Variants in LAMA2 observed in about 807,000 individuals in gnomAD.
LAMA2 encodes the protein laminin subunit alpha-2.
In LAMA2, 269 loss-of-function variants were observed where a neutral mutation model predicts 364.8. The ratio of observed to expected loss-of-function variants is 0.74; its 90% confidence interval spans 0.67 to 0.82. LAMA2 has a LOEUF of 0.82. Ranked by LOEUF, LAMA2 falls within the 40% of genes least tolerant of loss-of-function variation. LAMA2 has a pLI of 0.00. For synonymous variants in LAMA2, 1,379 were observed against 1,370.6 expected, an observed-to-expected ratio of 1.01 and a Z score of -0.14; for missense variants, 3,807 against 3,873.2, an observed-to-expected ratio of 0.98 and a Z score of 0.45.
At chr6:128,918,303 G>A (rs931513920) in intron 1 of LAMA2, among the ~76,000 whole-genome samples, 1 of 151,898 alleles carries the variant, frequency 6.6e-6, no homozygotes, top group Non-Finnish European at 1.5e-5. Context: ...GATATATTGG[G>A]GAAAAACAAT....
At chr6:128,886,522 T>G (rs1259185138) in intron 1 of LAMA2, among the ~76,000 whole-genome samples, 2 of 152,076 alleles carry the variant, frequency 1.3e-5, no homozygotes, top group Non-Finnish European at 2.9e-5. Context: ...CATTGACAAA[T>G]GGGTGTAGAT....
chr6:129,197,759 CAA>C (rs916325546), intron 12 of LAMA2, among the ~76,000 whole-genome samples: 1 of 151,502 alleles, frequency 6.6e-6, no homozygotes, highest in Non-Finnish European at 1.5e-5. Context: ...TATTAAAAAA[CAA>C]AAAAAATCAA....
intron 1 of LAMA2, among the ~76,000 whole-genome samples, chr6:128,911,942 TA>T (rs1777996248): frequency 6.6e-6 from 1 of 152,220 alleles, no homozygotes; most frequent in Admixed American, 6.5e-5. Context: ...CTACTGTCTG[TA>T]AAAATCATTC....
At chr6:129,152,795 A>G (rs1778886787) in intron 7 of LAMA2, among the ~76,000 whole-genome samples, 1 of 152,200 alleles carries the variant, frequency 6.6e-6, no homozygotes, top group Non-Finnish European at 1.5e-5. Context: ...ACTGTTCATT[A>G]ATAGGGACCT....
intron 1 of LAMA2, among the ~76,000 whole-genome samples, chr6:129,004,450 T>C (rs1229434331): frequency 6.7e-6 from 1 of 149,936 alleles, no homozygotes; most frequent in Admixed American, 6.6e-5. Flanking sequence ...TGACAAATGG[T>C]CATTTTCCTT....
At chr6:129,492,872 G>A (rs981529271) in intron 58 of LAMA2, among the ~76,000 whole-genome samples, 1 of 152,182 alleles carries the variant, frequency 6.6e-6, no homozygotes, top group African/African-American at 2.4e-5. Context: ...ACTGTTTCTA[G>A]GCCAGGCGCG....
chr6:129,192,315 T>C (rs1443885072), intron 11 of LAMA2, among the ~76,000 whole-genome samples: 2 of 152,242 alleles, frequency 1.3e-5, no homozygotes, highest in Non-Finnish European at 2.9e-5. Context: ...GAACTGAAAG[T>C]CCAACTGTTT....
intron 3 of LAMA2, among the ~76,000 whole-genome samples, chr6:129,072,264 A>G (rs1582989145): frequency 6.6e-6 from 1 of 152,282 alleles, no homozygotes; most frequent in Non-Finnish European, 1.5e-5. Flanking sequence ...GAGACATACA[A>G]ATTTAGGATT....
At chr6:129,503,041 T>C (rs1785773954) in intron 59 of LAMA2, 50 bp from the exon 60 acceptor site, 2 of 1,522,126 alleles carry the variant, frequency 1.3e-6, no homozygotes, top group East Asian at 4.5e-5. Flanking sequence ...TATTTTAGCA[T>C]GAGAATGCTG....
chr6:129,281,495 A>G (rs879540545), intron 18 of LAMA2, among the ~76,000 whole-genome samples: 8 of 152,288 alleles, frequency 5.3e-5, no homozygotes, highest in East Asian at 1.9e-4. Flanking sequence ...ACCATCTATA[A>G]TTTAAAACCC....
At chr6:129,424,540 G>A (rs1450143260) in intron 40 of LAMA2, among the ~76,000 whole-genome samples, 1 of 151,700 alleles carries the variant, frequency 6.6e-6, no homozygotes, top group Non-Finnish European at 1.5e-5. Flanking sequence ...AAAAATAAGA[G>A]CAAATAACCC....
rs776360049 is a variant in LAMA2, at chr6:129,349,205, G to T, written c.4437-93G>T. 6 of 939,616 alleles carry T rather than the reference G, an allele frequency of 6.4e-6. No homozygotes were observed. In the African/African-American group the frequency reaches 9.8e-5, roughly 15 times the overall value. The allele number at this position is 939,616 out of a possible 1,614,324, so 58.2% of individuals were successfully genotyped here. Reference sequence around the variant, plus strand: ...AGATGGCATTTATTACTACCTAAAAGTATGTCCCAATAACCTTGATCATGG... The same window carrying T: ...AGATGGCATTTATTACTACCTAAAATTATGTCCCAATAACCTTGATCATGG... On this transcript the variant is annotated intron_variant, in intron 30 of 64. Coordinates refer to ENST00000421865, the MANE Select transcript of LAMA2 (RefSeq NM_000426.4).
At chr6:128,932,286 T>A (rs1779531730) in intron 1 of LAMA2, among the ~76,000 whole-genome samples, 1 of 151,952 alleles carries the variant, frequency 6.6e-6, no homozygotes, top group Non-Finnish European at 1.5e-5. Context: ...TCAGTAGGAG[T>A]GACTGGGCCT....
At position 129,502,695 on chromosome 6, in the gene LAMA2, A is replaced by C. The variant is rs1163869891; in HGVS notation, c.8281A>C (p.Ile2761Leu). 6.2e-7 allele frequency: 1 copy of C among 1,614,012 alleles called. No individual in the cohort carries two copies. The highest frequency in any genetic ancestry group is 1.7e-5 in the Admixed American group (1 of 60,016). ...CAAESEPALLIGSKQFGLSRN... is the reference protein window; with the variant it reads ...CAAESEPALLLGSKQFGLSRN... ...TGCAGAATCAGAACCAGCTCTTTTG[A>C]TAGGGAGCAAGCAGTTCGGGCTTTC... is the stretch of plus-strand genomic sequence containing the variant. Residue 2761 changes from isoleucine to leucine, a missense_variant, in exon 59 of 65, where the codon ATA becomes CTA. Ile to Leu is a conservative substitution (Grantham distance 5). Transcript: ENST00000421865.
chr6:129,088,609 C>T (rs959036290), intron 3 of LAMA2, among the ~76,000 whole-genome samples: 3 of 151,316 alleles, frequency 2.0e-5, no homozygotes, highest in South Asian at 2.1e-4. Flanking sequence ...GGCTGCCGGG[C>T]GGAGACGCTC....
intron 1 of LAMA2, among the ~76,000 whole-genome samples, chr6:128,991,010 A>C (rs768354295): frequency 6.6e-6 from 1 of 151,994 alleles, no homozygotes; most frequent in African/African-American, 2.4e-5. Context: ...TTAGTGTTTG[A>C]TGAGGGATTG....
At chr6:129,048,450 T>G (rs139255535) in intron 1 of LAMA2, among the ~76,000 whole-genome samples, 491 of 49,026 alleles carry the variant, frequency 0.01, 2 homozygotes, top group African/African-American at 0.036. Flanking sequence ...TTTTCTTTCT[T>G]TCTTTCTTTC....
intron 1 of LAMA2, among the ~76,000 whole-genome samples, chr6:128,962,183 T>TATAC (rs1463440842): frequency 1.8e-5 from 2 of 113,926 alleles, no homozygotes; most frequent in African/African-American, 3.9e-5. Flanking sequence ...TATATATATA[T>TATAC]ATACACACAT....
At chr6:128,895,523 T>C (rs959304033) in intron 1 of LAMA2, among the ~76,000 whole-genome samples, 35 of 149,280 alleles carry the variant, frequency 2.3e-4, no homozygotes, top group Admixed American at 6.7e-4. Flanking sequence ...TGGCGGGCGC[T>C]TGTAGTGCCA....
Sources: allele counts gnomAD v4.1 joint callset (sites outside exome capture counted in the v4.1 genomes callset), GRCh38; gene constraint gnomAD v4.1.1; transcripts MANE v1.5; gene names NCBI Gene and HGNC (gene_info 2026-07-23, HGNC 2026-07-21).